Variants in BMPR1A observed in about 807,000 individuals in gnomAD.
The protein encoded by BMPR1A is bone morphogenetic protein receptor type-1A.
A neutral mutation model predicts 66.0 loss-of-function variants in BMPR1A; 7 were observed. That is an observed-to-expected ratio of 0.11 (90% CI 0.06 to 0.20). The LOEUF (loss-of-function observed/expected upper bound fraction) is 0.20, where lower values mean the gene tolerates loss of function less well. Ranked by LOEUF, BMPR1A falls within the 10% of genes least tolerant of loss-of-function variation. The pLI, the probability that BMPR1A is intolerant of heterozygous loss-of-function variation, is 1.00. For synonymous variants in BMPR1A, 200 were observed against 229.7 expected, an observed-to-expected ratio of 0.87 and a Z score of 1.17; for missense variants, 408 against 669.1, an observed-to-expected ratio of 0.61 and a Z score of 4.31.
intron 1 of BMPR1A, among the ~76,000 whole-genome samples, chr10:86,835,077 A>G (rs1842321967): frequency 6.6e-6 from 1 of 151,940 alleles, no homozygotes. Flanking sequence ...TACAAGCTCA[A>G]AGTTAATCTT....
In BMPR1A at chr10:86,923,749, A is replaced by T. The variant is rs370244873; in HGVS notation, c.*30A>T. 10 of 1,611,290 alleles carry T rather than the reference A, an allele frequency of 6.2e-6. No individual in the cohort carries two copies. Among genetic ancestry groups the T allele is most frequent in the Non-Finnish European group, 8.5e-6 (10 of 1,179,220 alleles). ...TAAACCATCGGAGGAGAAACTCTAGACTGCAAGAACTGTTTTTACCCATGG... is the reference window on the plus strand; with the variant it reads ...TAAACCATCGGAGGAGAAACTCTAGTCTGCAAGAACTGTTTTTACCCATGG... On this transcript the variant is annotated 3_prime_UTR_variant, in exon 13 of 13. Coordinates refer to ENST00000372037, the MANE Select transcript of BMPR1A (RefSeq NM_004329.3).
rs570349022 is a variant in BMPR1A at position 86,808,326 on chromosome 10, A to G, written c.-267-30539A>G. Among the ~76,000 whole-genome samples the G allele has an allele frequency of 5.3e-4, 80 of 152,206 alleles. 1 individual carries two copies. The South Asian group carries it at 0.016, about 31-fold the overall frequency. ...AATTAATTGGCTTAGCTAAAGGCTTATCAATTTTATGATCTTTTCAAAGAA... is the reference window on the plus strand; with the variant it reads ...AATTAATTGGCTTAGCTAAAGGCTTGTCAATTTTATGATCTTTTCAAAGAA... On this transcript the variant is annotated intron_variant, in intron 1 of 12. Coordinates refer to ENST00000372037, the MANE Select transcript of BMPR1A (RefSeq NM_004329.3).
intron 1 of BMPR1A, among the ~76,000 whole-genome samples, chr10:86,809,159 T>C (rs1841931622): frequency 6.6e-6 from 1 of 152,196 alleles, no homozygotes; most frequent in African/African-American, 2.4e-5. Context: ...TTATAAAATA[T>C]GCATAACATA....
chr10:86,912,993 T>C (rs1045712792), intron 8 of BMPR1A, among the ~76,000 whole-genome samples: 8 of 152,172 alleles, frequency 5.3e-5, no homozygotes, highest in African/African-American at 1.9e-4. Context: ...ATGGAAATAC[T>C]CAGTTTTGGG....
chr10:86,791,423 A>G (rs527574974), intron 1 of BMPR1A, among the ~76,000 whole-genome samples: 1 of 151,946 alleles, frequency 6.6e-6, no homozygotes, highest in Non-Finnish European at 1.5e-5. Context: ...CATGTTGGCC[A>G]GGCTGGTCTC....
At position 86,790,221 on chromosome 10, in the gene BMPR1A, A is replaced by G. The variant is rs1564685616; in HGVS notation, c.-268+33302A>G. 6.5e-4 allele frequency among the ~76,000 whole-genome samples: 66 copies of G among 102,194 alleles called. 15 individuals are homozygous for G. The highest frequency in any genetic ancestry group is 3.7e-3 in the South Asian group (10 of 2,672). 67.0% of individuals were successfully genotyped at this position (102,194 alleles called of 152,430 possible). On this transcript the variant is annotated intron_variant, in intron 1 of 12. Transcript: ENST00000372037. The stretch of plus-strand genomic sequence containing the variant: ...TATATATATATATATATATATATAT[A>G]TATATATATATATATCAAAACCACA...
rs963442467 is a variant in BMPR1A, at chr10:86,883,384, A to G, written c.68-6678A>G. ...GCTAACACGGTGAAACCCCGTCTCT[A>G]CTACAAATACAAAAAATTAGCCGGG... On this transcript the variant is annotated intron_variant, in intron 3 of 12. Transcript: ENST00000372037. Among the ~76,000 whole-genome samples, 15 of 151,930 alleles carry G rather than the reference A, an allele frequency of 9.9e-5. 1 individual carries two copies. Among genetic ancestry groups the G allele is most frequent in the Admixed American group, 6.6e-5 (1 of 15,242 alleles).
intron 1 of BMPR1A, among the ~76,000 whole-genome samples, 192 bp downstream of exon 1, chr10:86,757,111 C>A (rs1234501142): frequency 2.6e-5 from 4 of 151,624 alleles, no homozygotes; most frequent in Admixed American, 1.3e-4. Context: ...CCACGGCACC[C>A]CGCGCCGCGT....
chr10:86,870,954 G>A (rs1432681522), intron 2 of BMPR1A, among the ~76,000 whole-genome samples: 2 of 152,054 alleles, frequency 1.3e-5, no homozygotes, highest in Non-Finnish European at 2.9e-5. Flanking sequence ...TAAATCCCAA[G>A]TCCTTCATAT....
chr10:86,880,090 C>T (rs1842967570), intron 3 of BMPR1A, among the ~76,000 whole-genome samples: 1 of 152,192 alleles, frequency 6.6e-6, no homozygotes, highest in African/African-American at 2.4e-5. Context: ...GGTCTGATTA[C>T]TGGAAATTGT....
intron 2 of BMPR1A, among the ~76,000 whole-genome samples, chr10:86,844,947 TG>T: frequency 6.6e-6 from 1 of 152,126 alleles, no homozygotes; most frequent in East Asian, 1.9e-4. Context: ...CAGCTAATTT[TG>T]TATTTTTAGT....
intron 2 of BMPR1A, among the ~76,000 whole-genome samples, chr10:86,850,438 G>T (rs2133177389): frequency 6.6e-6 from 1 of 152,176 alleles, no homozygotes; most frequent in Middle Eastern, 3.4e-3. Context: ...CAAATTTAGT[G>T]TACGCGCATG....
chr10:86,812,149 T>G (rs1214273341), intron 1 of BMPR1A, among the ~76,000 whole-genome samples: 2 of 152,024 alleles, frequency 1.3e-5, no homozygotes, highest in Non-Finnish European at 2.9e-5. Flanking sequence ...AAACTACAAG[T>G]CATTATACAG....
At chr10:86,803,564 T>A (rs1183616801) in intron 1 of BMPR1A, among the ~76,000 whole-genome samples, 1 of 152,228 alleles carries the variant, frequency 6.6e-6, no homozygotes, top group African/African-American at 2.4e-5. Context: ...TCCGACTTAA[T>A]TTTTTCCCAA....
At chr10:86,854,192 C>G (rs1409127845) in intron 2 of BMPR1A, among the ~76,000 whole-genome samples, 1 of 152,188 alleles carries the variant, frequency 6.6e-6, no homozygotes, top group Non-Finnish European at 1.5e-5. Flanking sequence ...TCTGTTCCGC[C>G]CGGCTCACCG....
intron 1 of BMPR1A, among the ~76,000 whole-genome samples, chr10:86,830,606 G>T (rs946593643): frequency 3.3e-5 from 5 of 152,074 alleles, no homozygotes; most frequent in African/African-American, 1.2e-4. Flanking sequence ...TTTCATGCGC[G>T]TATTTGCCGT....
At chr10:86,807,829 C>T (rs969143934) in intron 1 of BMPR1A, among the ~76,000 whole-genome samples, 1 of 152,162 alleles carries the variant, frequency 6.6e-6, no homozygotes, top group African/African-American at 2.4e-5. Context: ...TGCAGTGGCA[C>T]TGTCTTGGCT....
At chr10:86,819,545 C>T (rs1216208271) in intron 1 of BMPR1A, among the ~76,000 whole-genome samples, 1 of 152,176 alleles carries the variant, frequency 6.6e-6, no homozygotes, top group East Asian at 1.9e-4. Context: ...GTGATCCGCC[C>T]ACTTCGGCCT....
At chr10:86,875,047 C>G (rs1443976342) in intron 2 of BMPR1A, among the ~76,000 whole-genome samples, 2 of 151,342 alleles carry the variant, frequency 1.3e-5, no homozygotes. Flanking sequence ...CTTTTTTTTC[C>G]TTTAATGATG....
Sources: gnomAD v4.1 joint callset for allele counts (sites outside exome capture counted in the v4.1 genomes callset) on GRCh38, gnomAD v4.1.1 for gene constraint, MANE v1.5 for transcripts, NCBI Gene and HGNC (gene_info 2026-07-23, HGNC 2026-07-21) for gene names.